MYCBP2: variants seen among roughly 807,000 people sequenced by gnomAD.
MYCBP2 encodes E3 ubiquitin-protein ligase MYCBP2.
A neutral mutation model predicts 525.3 loss-of-function variants in MYCBP2; 120 were observed. The ratio of observed to expected loss-of-function variants is 0.23; its 90% confidence interval spans 0.20 to 0.27. MYCBP2 has a LOEUF of 0.27. Among genes scored for constraint, MYCBP2 ranks in the 10% least tolerant of loss-of-function variants. The pLI is 1.00. For missense variants in MYCBP2, 4,149 were observed against 5,657.1 expected, an observed-to-expected ratio of 0.73 and a Z score of 8.55; for synonymous variants, 1,894 against 1,955.8, an observed-to-expected ratio of 0.97 and a Z score of 0.83.
rs532038321 is a variant in MYCBP2 at position 77,212,400 on chromosome 13, T to C, written c.3058-240A>G. On this transcript the variant is annotated intron_variant, in intron 21 of 82. Coordinates refer to ENST00000544440, the MANE Select transcript of MYCBP2 (RefSeq NM_015057.5). Reference sequence around the variant, plus strand: ...AAGTGCATTATTTTTTAAAAAAAAGTTTGAAATATTTTCCACGCAAGAAGT... The same window carrying C: ...AAGTGCATTATTTTTTAAAAAAAAGCTTGAAATATTTTCCACGCAAGAAGT... Among the ~76,000 whole-genome samples the C allele has an allele frequency of 6.6e-5, 10 of 152,272 alleles. No homozygotes were observed. The East Asian group carries it at 1.9e-3, about 29-fold the overall frequency.
chr13:77,071,712 T>C (rs2041320234), intron 68 of MYCBP2, among the ~76,000 whole-genome samples: 1 of 152,208 alleles, frequency 6.6e-6, no homozygotes, highest in African/African-American at 2.4e-5. Context: ...TTGAATATTA[T>C]TGATCAACTT....
At chr13:77,133,653 C>G (rs1426742717) in intron 52 of MYCBP2, among the ~76,000 whole-genome samples, 2 of 152,170 alleles carry the variant, frequency 1.3e-5, no homozygotes, top group African/African-American at 4.8e-5. Context: ...AGAGAGAAAG[C>G]TATTCTCCCC....
intron 73 of MYCBP2, among the ~76,000 whole-genome samples, chr13:77,063,819 A>G (rs896053755): frequency 2.0e-5 from 3 of 152,194 alleles, no homozygotes; most frequent in African/African-American, 7.2e-5. Context: ...GACTGAAAGA[A>G]AGCAACACAT....
At position 77,166,478 on chromosome 13, in the gene MYCBP2, A is replaced by C; in HGVS notation, c.6191T>G (p.Val2064Gly). 6.2e-7 allele frequency: 1 copy of C among 1,614,056 alleles called. No individual in the cohort carries two copies. The highest frequency in any genetic ancestry group is 8.5e-7 in the Non-Finnish European group (1 of 1,179,932). ...TCTGACAGGAATCAACAAACGAAGG[A>C]CATCTTCTGACTGTGCAGTACCACA... The part of the protein sequence containing the change: ...PQCGTAQSED[V>G]LRLLIPVRTV... Residue 2064 changes from valine (V) to glycine (G), a missense_variant, in exon 41 of 83, where the codon GTC becomes GGC. Val to Gly is a moderately radical substitution (Grantham distance 109, BLOSUM62 -3). This residue lies in a region of MYCBP2 where 692 missense variants were observed against 852.7 expected (regional missense o/e 0.81). Coordinates refer to ENST00000544440, the MANE Select transcript of MYCBP2 (RefSeq NM_015057.5).
In MYCBP2 at chr13:77,180,751, C is replaced by T. The variant is rs554058427; in HGVS notation, c.4942-433G>A. On this transcript the variant is annotated intron_variant, in intron 33 of 82. Coordinates refer to ENST00000544440, the MANE Select transcript of MYCBP2 (RefSeq NM_015057.5). ...GCAACATAGTAAGACTTTGTCTCTA[C>T]AAAATGTTTTTTTAAAAAGTTAGCT... 4.6e-5 allele frequency among the ~76,000 whole-genome samples: 7 copies of T among 152,100 alleles called. No individual in the cohort carries two copies. The South Asian group carries it at 1.5e-3, about 32-fold the overall frequency.
At chr13:77,178,495 A>C (rs2059926389) in intron 34 of MYCBP2, among the ~76,000 whole-genome samples, 2 of 152,250 alleles carry the variant, frequency 1.3e-5, no homozygotes, top group Non-Finnish European at 2.9e-5. Flanking sequence ...GAATATATAC[A>C]GTGATATTTT....
chr13:77,317,085 G>A (rs1049876661), intron 1 of MYCBP2, among the ~76,000 whole-genome samples: 13 of 152,094 alleles, frequency 8.5e-5, no homozygotes, highest in African/African-American at 3.1e-4. Context: ...AATTAGCTGG[G>A]ATTACAAGCA....
chr13:77,289,488 A>G (rs2077244305), intron 2 of MYCBP2, among the ~76,000 whole-genome samples: 2 of 152,150 alleles, frequency 1.3e-5, no homozygotes, highest in South Asian at 4.1e-4. Context: ...ATCACTTGAC[A>G]AAAATCCAGT....
At chr13:77,094,316 T>C (rs1346931797) in intron 58 of MYCBP2, among the ~76,000 whole-genome samples, 1 of 152,296 alleles carries the variant, frequency 6.6e-6, no homozygotes, top group East Asian at 1.9e-4. Context: ...TGTGTGAAAG[T>C]ACAGGCTGCA....
intron 15 of MYCBP2, among the ~76,000 whole-genome samples, chr13:77,248,397 G>A (rs1036517041): frequency 6.6e-5 from 10 of 152,002 alleles, no homozygotes; most frequent in African/African-American, 2.4e-4. Flanking sequence ...ACTATATAGA[G>A]AATTCCTAAA....
chr13:77,139,389 G>A (rs2054240782), intron 51 of MYCBP2, 53 bp from the exon 52 acceptor site: 7 of 1,568,992 alleles, frequency 4.5e-6, no homozygotes, highest in Non-Finnish European at 6.1e-6. Context: ...GTCCTATGAG[G>A]CTAGCAAGGT....
At chr13:77,070,784 T>C (rs959879129) in intron 68 of MYCBP2, 73 bp from the exon 69 acceptor site, 2 of 913,742 alleles carry the variant, frequency 2.2e-6, no homozygotes, top group Admixed American at 2.5e-5. Context: ...TATGTGATAT[T>C]TCAAAGTAAC....
At chr13:77,186,457 C>T (rs1364167203) in intron 30 of MYCBP2, among the ~76,000 whole-genome samples, 2 of 151,982 alleles carry the variant, frequency 1.3e-5, no homozygotes, top group African/African-American at 4.8e-5. Flanking sequence ...TTTACAGTCA[C>T]TGTAGTAAAA....
At chr13:77,099,236 A>T (rs2046706396) in intron 55 of MYCBP2, 1 of 589,854 alleles carries the variant, frequency 1.7e-6, no homozygotes, top group East Asian at 3.2e-5. Flanking sequence ...TCATGGACGC[A>T]AAACAACAGG....
Position 77,150,937 on chromosome 13 carries a change from C to T in MYCBP2, c.6928G>A (p.Ala2310Thr). 1.2e-6 allele frequency: 2 copies of T among 1,613,730 alleles called. No homozygotes were observed. The highest frequency in any genetic ancestry group is 1.7e-6 in the Non-Finnish European group (2 of 1,179,734). The change falls in exon 47 of 83, where the codon GCT becomes ACT. Residue 2310 changes from alanine to threonine, a missense_variant. Physicochemically the swap from Ala to Thr is moderately conservative, Grantham distance 58 (BLOSUM62 0). Around this residue, in one of 21 missense-constraint regions of MYCBP2, gnomAD observed 692 missense variants for 852.7 expected, o/e 0.81. Transcript: ENST00000544440. ...HVPNMKVEVK[A>T]VPVSQKKMSL... is the part of the protein sequence containing the mutation. ...ATTTTTTTCTGAGAAACAGGGACAGCTTTCACTTCCACCTAAACATGGTAT... is the reference window on the plus strand; with the variant it reads ...ATTTTTTTCTGAGAAACAGGGACAGTTTTCACTTCCACCTAAACATGGTAT...
chr13:77,290,066 A>G lies in MYCBP2; in HGVS notation c.379-1690T>C, dbSNP rs2077313172. Among the ~76,000 whole-genome samples the G allele has an allele frequency of 2.6e-5, 4 of 152,206 alleles. No homozygotes were observed. The South Asian group carries it at 8.3e-4, about 31-fold the overall frequency. ...AATCCAATTAACAAATGGGCAAAAG[A>G]TAGGAATAAACACATCAATATAGAA... On this transcript the variant is annotated intron_variant, in intron 2 of 82. Coordinates refer to ENST00000544440, the MANE Select transcript of MYCBP2 (RefSeq NM_015057.5).
At chr13:77,309,556 T>C (rs1221545764) in intron 1 of MYCBP2, among the ~76,000 whole-genome samples, 1 of 152,190 alleles carries the variant, frequency 6.6e-6, no homozygotes, top group Non-Finnish European at 1.5e-5. Flanking sequence ...AGAAACTAGC[T>C]CTTCCTCCCT....
chr13:77,177,683 T>C, intron 35 of MYCBP2, 65 bp downstream of exon 35: 5 of 1,325,332 alleles, frequency 3.8e-6, no homozygotes, highest in Non-Finnish European at 5.4e-6. Context: ...GAACATACTA[T>C]GACAATGGTA....
intron 8 of MYCBP2, among the ~76,000 whole-genome samples, chr13:77,264,995 T>C (rs2073878341): frequency 6.6e-6 from 1 of 152,202 alleles, no homozygotes; most frequent in African/African-American, 2.4e-5. Context: ...CAACAAAACA[T>C]AAAATTCTGA....
Sources: gnomAD v4.1 joint callset for allele counts (sites outside exome capture counted in the v4.1 genomes callset) on GRCh38, gnomAD v4.1.1 for gene constraint, gnomAD v4.1.1 regional missense constraint, MANE v1.5 for transcripts, NCBI Gene and HGNC (gene_info 2026-07-23, HGNC 2026-07-21) for gene names.